The following RGS18 variants were observed in gnomAD, a reference collection of about 807,000 sequenced individuals.
The protein encoded by RGS18 is regulator of G protein signaling 18, also known as regulator of G-protein signaling 18.
RGS18 carries 22 observed loss-of-function variants against 27.6 expected under a neutral mutation model. The ratio of observed to expected loss-of-function variants is 0.80; its 90% confidence interval spans 0.57 to 1.14. The LOEUF (loss-of-function observed/expected upper bound fraction) is 1.14. Ranked by LOEUF, RGS18 falls within the 50% of genes most tolerant of loss-of-function variation. The probability of loss-of-function intolerance (pLI) is 0.00; values close to 1 mark genes in which losing one functional copy is unlikely to be tolerated. For synonymous variants in RGS18, 89 were observed against 84.6 expected, an observed-to-expected ratio of 1.05 and a Z score of -0.29; for missense variants, 299 against 269.6, an observed-to-expected ratio of 1.11 and a Z score of -0.76.
chr1:192,173,828 T>G (rs555875521), intron 3 of RGS18, among the ~76,000 whole-genome samples: 9 of 151,956 alleles, frequency 5.9e-5, no homozygotes, highest in African/African-American at 2.2e-4. Context: ...AGGGGTTTTA[T>G]TTTATTAATG....
intron 3 of RGS18, among the ~76,000 whole-genome samples, chr1:192,166,724 A>G (rs942890527): frequency 6.6e-6 from 1 of 152,198 alleles, no homozygotes; most frequent in Non-Finnish European, 1.5e-5. Flanking sequence ...GAAGATAATG[A>G]TATCTGTAAT....
chr1:192,159,053 G>T (rs4454527), intron 1 of RGS18, among the ~76,000 whole-genome samples, 167 bp from the exon 2 acceptor site: 1 of 151,788 alleles, frequency 6.6e-6, no homozygotes, highest in East Asian at 1.9e-4. Context: ...AAACATTTTC[G>T]TATGTTACCC....
chr1:192,183,212 C>A (rs1022936105), intron 4 of RGS18, among the ~76,000 whole-genome samples: 6 of 151,430 alleles, frequency 4.0e-5, no homozygotes, highest in Non-Finnish European at 8.9e-5. Flanking sequence ...GGAAAGAAAG[C>A]CCCTACCTGA....
At chr1:192,165,450 C>A (rs1656147619) in intron 3 of RGS18, among the ~76,000 whole-genome samples, 1 of 152,168 alleles carries the variant, frequency 6.6e-6, no homozygotes. Flanking sequence ...GTGACCCACA[C>A]TGTGTTCGTA....
intron 3 of RGS18, among the ~76,000 whole-genome samples, chr1:192,171,564 TC>T (rs1189299868): frequency 4.6e-5 from 7 of 152,078 alleles, no homozygotes; most frequent in Non-Finnish European, 8.8e-5. Context: ...TCTCCCTTTG[TC>T]CAGGTGAAAA....
chr1:192,159,430 T>C lies in RGS18; in HGVS notation c.221+109T>C. 4.3e-6 allele frequency: 3 copies of C among 691,786 alleles called. No individual in the cohort carries two copies. In the South Asian group the frequency reaches 5.3e-5, roughly 12 times the overall value. 42.9% of individuals were successfully genotyped at this position (691,786 alleles called of 1,614,324 possible). A position where few individuals can be genotyped will look rare whatever the true frequency, so the allele number is the denominator to read the frequency against. On this transcript the variant is annotated intron_variant, in intron 2 of 4. Transcript: ENST00000367460. The stretch of plus-strand genomic sequence containing the variant: ...ATTTATTGAAAATTACACAGCAATA[T>C]AAGGAAAGTTAGAAATTTCATTTGA...
chr1:192,181,206 T>C, intron 3 of RGS18, 86 bp from the exon 4 acceptor site: 1 of 730,428 alleles, frequency 1.4e-6, no homozygotes, highest in Non-Finnish European at 2.2e-6. Flanking sequence ...TTTCTGTTAA[T>C]ATTTGCAATT....
At position 192,160,724 on chromosome 1, in the gene RGS18, C is replaced by T. The variant is rs1025764705; in HGVS notation, c.283+285C>T. On this transcript the variant is annotated intron_variant, in intron 3 of 4. Transcript: ENST00000367460. ...TTTTCCGATTTTTGAATGAAATCTT[C>T]GGTTTTATCAAATTCATGATTAACG... is the stretch of plus-strand genomic sequence containing the variant. 7 of 346,216 alleles carry T rather than the reference C, an allele frequency of 2.0e-5. No individual in the cohort carries two copies. In the South Asian group the frequency reaches 2.8e-4, roughly 14 times the overall value. The allele number at this position is 346,216 out of a possible 1,614,324, so 21.4% of individuals were successfully genotyped here.
chr1:192,173,098 G>C (rs1013400004), intron 3 of RGS18, among the ~76,000 whole-genome samples: 4 of 151,258 alleles, frequency 2.6e-5, no homozygotes, highest in African/African-American at 9.7e-5. Flanking sequence ...TCTACCAATA[G>C]AAATTTATTA....
chr1:192,182,551 A>G (rs1336142576), intron 4 of RGS18, among the ~76,000 whole-genome samples: 1 of 151,534 alleles, frequency 6.6e-6, no homozygotes, highest in East Asian at 2.0e-4. Flanking sequence ...GTACCCTCAT[A>G]CATTCTACCA....
chr1:192,181,226 T>TATCA lies in RGS18; in HGVS notation c.284-61_284-58dup, dbSNP rs1251128810. 3 of 887,322 alleles carry TATCA rather than the reference T, an allele frequency of 3.4e-6. No homozygotes were observed. The African/African-American group carries it at 5.3e-5, about 16-fold the overall frequency. The allele number at this position is 887,322 out of a possible 1,614,324, so 55.0% of individuals were successfully genotyped here. On this transcript the variant is annotated intron_variant, in intron 3 of 4. Coordinates refer to ENST00000367460, the MANE Select transcript of RGS18 (RefSeq NM_130782.3). ...GTTAATATTTGCAATTATGTTTTATTATCAATCAGTAAATGTTTCCAACAT... is the reference window on the plus strand; with the variant it reads ...GTTAATATTTGCAATTATGTTTTATTATCAATCAATCAGTAAATGTTTCCAACAT...
At chr1:192,164,432 C>G (rs1050286191) in intron 3 of RGS18, among the ~76,000 whole-genome samples, 1 of 151,832 alleles carries the variant, frequency 6.6e-6, no homozygotes, top group African/African-American at 2.4e-5. Flanking sequence ...CCACAGAAAT[C>G]AAATGATTCA....
intron 2 of RGS18, among the ~76,000 whole-genome samples, chr1:192,160,068 A>T (rs2102149308): frequency 6.6e-6 from 1 of 152,080 alleles, no homozygotes; most frequent in East Asian, 1.9e-4. Context: ...AGTTGACCTG[A>T]TTTCTTTATA....
In RGS18 at chr1:192,158,561, A is replaced by G. The variant is rs1445837421; in HGVS notation, c.-77A>G. 2 of 1,264,058 alleles carry G rather than the reference A, an allele frequency of 1.6e-6. No individual in the cohort carries two copies. Among genetic ancestry groups the G allele is most frequent in the East Asian group, 5.6e-5 (2 of 36,026 alleles). 78.3% of individuals were successfully genotyped at this position (1,264,058 alleles called of 1,614,324 possible). On this transcript the variant is annotated 5_prime_UTR_variant, in exon 1 of 5. Transcript: ENST00000367460. Reference sequence around the variant, plus strand: ...GTGATAACTTTTTATTCTACTATGTATATGTATGGAATAGTATTAATAAAT... The same window carrying G: ...GTGATAACTTTTTATTCTACTATGTGTATGTATGGAATAGTATTAATAAAT...
chr1:192,183,156 T>A (rs1656484008), intron 4 of RGS18, among the ~76,000 whole-genome samples: 1 of 151,068 alleles, frequency 6.6e-6, no homozygotes, highest in Non-Finnish European at 1.5e-5. Flanking sequence ...TTTTACATAG[T>A]TTTTTTTATA....
chr1:192,161,113 G>T (rs2102149962), intron 3 of RGS18, among the ~76,000 whole-genome samples: 1 of 152,312 alleles, frequency 6.6e-6, no homozygotes, highest in South Asian at 2.1e-4. Flanking sequence ...GCCTCCCAAA[G>T]TGCTGGGATT....
intron 4 of RGS18, 141 bp from the exon 5 acceptor site, chr1:192,184,156 G>A: frequency 1.5e-6 from 1 of 679,246 alleles, no homozygotes. Flanking sequence ...CATGAGGTTT[G>A]GGCAGGCTAC....
intron 3 of RGS18, among the ~76,000 whole-genome samples, chr1:192,172,465 C>T (rs189373090): frequency 0.014 from 2,154 of 152,104 alleles, 27 homozygotes; most frequent in Middle Eastern, 0.054. Flanking sequence ...CAGCAGGCTT[C>T]TTATACCACC....
At chr1:192,162,327 G>C (rs1656088457) in intron 3 of RGS18, among the ~76,000 whole-genome samples, 3 of 151,686 alleles carry the variant, frequency 2.0e-5, no homozygotes, top group African/African-American at 7.3e-5. Flanking sequence ...TTTGTGTTTT[G>C]AGACAGAGTC....
Sources: gnomAD v4.1 joint callset for allele counts (sites outside exome capture counted in the v4.1 genomes callset) on GRCh38, gnomAD v4.1.1 for gene constraint, MANE v1.5 for transcripts, NCBI Gene and HGNC (gene_info 2026-07-23, HGNC 2026-07-21) for gene names.